The following SMYD3 variants were observed in gnomAD, a reference collection of about 807,000 sequenced individuals.
The protein encoded by SMYD3 is histone-lysine N-methyltransferase SMYD3.
A neutral mutation model predicts 57.7 loss-of-function variants in SMYD3; 36 were observed. That is an observed-to-expected ratio of 0.62 (90% CI 0.48 to 0.82). The LOEUF (loss-of-function observed/expected upper bound fraction) is 0.82, where lower values mean the gene tolerates loss of function less well. SMYD3 is among the 40% of genes least tolerant of loss of function. SMYD3 has a pLI of 0.00. For synonymous variants in SMYD3, 211 were observed against 195.0 expected (o/e 1.08, Z -0.68); for missense variants, 515 against 538.8 (o/e 0.96, Z 0.44).
chr1:246,451,537 C>A (rs1156273443), intron 1 of SMYD3, among the ~76,000 whole-genome samples: 4 of 152,162 alleles, frequency 2.6e-5, no homozygotes, highest in Non-Finnish European at 4.4e-5. Flanking sequence ...GGAAATTACT[C>A]TATGATATGA....
chr1:246,486,024 C>T (rs1019516754), intron 1 of SMYD3, among the ~76,000 whole-genome samples: 1 of 152,216 alleles, frequency 6.6e-6, no homozygotes. Flanking sequence ...TGACCATCAT[C>T]CTCCTCTATA....
intron 1 of SMYD3, among the ~76,000 whole-genome samples, chr1:246,495,121 G>T (rs58344515): frequency 6.6e-6 from 1 of 151,712 alleles, no homozygotes; most frequent in African/African-American, 2.4e-5. Context: ...AGGCCAAGGC[G>T]GGTGGATCAC....
chr1:246,166,589 G>A (rs1369532027), intron 5 of SMYD3, among the ~76,000 whole-genome samples: 4 of 152,048 alleles, frequency 2.6e-5, no homozygotes, highest in African/African-American at 9.7e-5. Context: ...CTGGAGTCTC[G>A]GCTGGAGTCT....
chr1:245,832,012 G>A (rs2049863346), intron 10 of SMYD3, among the ~76,000 whole-genome samples: 1 of 152,138 alleles, frequency 6.6e-6, no homozygotes, highest in South Asian at 2.1e-4. Context: ...AGGAGGGAGG[G>A]GAGGCCTTTG....
At chr1:246,243,590 A>C (rs1390903521) in intron 5 of SMYD3, among the ~76,000 whole-genome samples, 2 of 151,894 alleles carry the variant, frequency 1.3e-5, no homozygotes, top group African/African-American at 4.8e-5. Context: ...ATTATCCATT[A>C]ATCAGTTATA....
chr1:246,411,941 G>A (rs1310412223), intron 1 of SMYD3, among the ~76,000 whole-genome samples: 57 of 146,736 alleles, frequency 3.9e-4, no homozygotes, highest in African/African-American at 1.3e-3. Flanking sequence ...AAACCTGCAC[G>A]TTGTGCACAC....
chr1:246,330,335 T>C (rs968585536), intron 4 of SMYD3, 145 bp downstream of exon 4: 5 of 570,870 alleles, frequency 8.8e-6, no homozygotes, highest in East Asian at 6.4e-5. Context: ...TAAACCAGTG[T>C]GACAGTTGTA....
intron 5 of SMYD3, chr1:246,326,539 C>G (rs530615094): frequency 6.1e-6 from 3 of 491,146 alleles, no homozygotes; most frequent in African/African-American, 4.0e-5. Flanking sequence ...TTTGGGAGGC[C>G]GAGGCGGGTG....
At chr1:246,193,650 A>T (rs1277508258) in intron 5 of SMYD3, 1 of 152,288 alleles carries the variant, frequency 6.6e-6, no homozygotes, top group Non-Finnish European at 1.5e-5. Context: ...AATCAGCAGA[A>T]AGGATGGAGA....
At chr1:245,896,066 C>A (rs1219336525) in intron 8 of SMYD3, among the ~76,000 whole-genome samples, 2 of 152,180 alleles carry the variant, frequency 1.3e-5, no homozygotes, top group Admixed American at 1.3e-4. Context: ...AGAATGGATA[C>A]ATTTTCACAA....
Position 245,983,160 on chromosome 1 carries a change from C to T in SMYD3, c.532-53223G>A, listed in dbSNP as rs1171856354. On this transcript the variant is annotated intron_variant, in intron 5 of 11. Coordinates refer to ENST00000490107, the MANE Select transcript of SMYD3 (RefSeq NM_001167740.2). ...GAGACAAGATGCCTCATCTCCCTGGCCTTATTTTGTGGCAGCTTTCGGGAC... is the reference window on the plus strand; with the variant it reads ...GAGACAAGATGCCTCATCTCCCTGGTCTTATTTTGTGGCAGCTTTCGGGAC... Among the ~76,000 whole-genome samples the T allele has an allele frequency of 2.0e-5, 3 of 152,188 alleles. No homozygotes were observed. In the East Asian group the frequency reaches 5.8e-4, roughly 29 times the overall value.
chr1:246,016,918 G>A (rs1006931837), intron 5 of SMYD3, among the ~76,000 whole-genome samples: 2 of 152,120 alleles, frequency 1.3e-5, no homozygotes, highest in Admixed American at 1.3e-4. Context: ...GATGGGAGAA[G>A]GGGCTTCCAA....
intron 5 of SMYD3, among the ~76,000 whole-genome samples, chr1:246,068,876 C>T (rs1442437381): frequency 1.3e-5 from 2 of 152,162 alleles, no homozygotes; most frequent in East Asian, 3.8e-4. Flanking sequence ...CCAACTTATG[C>T]CTTACCTTAC....
At chr1:246,297,358 T>C (rs1019569827) in intron 5 of SMYD3, among the ~76,000 whole-genome samples, 1 of 152,140 alleles carries the variant, frequency 6.6e-6, no homozygotes, top group Non-Finnish European at 1.5e-5. Flanking sequence ...AACAAAATAC[T>C]GTATTCAACA....
At chr1:246,074,465 T>C (rs1180867887) in intron 5 of SMYD3, among the ~76,000 whole-genome samples, 1 of 151,104 alleles carries the variant, frequency 6.6e-6, no homozygotes, top group Non-Finnish European at 1.5e-5. Flanking sequence ...ACATACCAAA[T>C]ATAACAACTA....
At chr1:246,012,919 C>T (rs555160539) in intron 5 of SMYD3, among the ~76,000 whole-genome samples, 2 of 152,204 alleles carry the variant, frequency 1.3e-5, no homozygotes, top group Non-Finnish European at 2.9e-5. Context: ...AAGCACTCTA[C>T]TGTACTGACA....
chr1:246,458,318 A>G (rs1321105331), intron 1 of SMYD3, among the ~76,000 whole-genome samples: 1 of 152,270 alleles, frequency 6.6e-6, no homozygotes, highest in South Asian at 2.1e-4. Flanking sequence ...GAAACAAGAC[A>G]AGCAGAGTTG....
chr1:246,268,013 T>A (rs116137347), intron 5 of SMYD3, among the ~76,000 whole-genome samples: 1,980 of 152,266 alleles, frequency 0.013, 54 homozygotes, highest in African/African-American at 0.045. Context: ...TAATTCACAC[T>A]GATTCCAAGG....
intron 10 of SMYD3, among the ~76,000 whole-genome samples, chr1:245,794,662 A>C (rs941408069): frequency 2.0e-5 from 3 of 152,230 alleles, no homozygotes; most frequent in African/African-American, 7.2e-5. Flanking sequence ...GATAGTCTCA[A>C]AATATCCCTC....
Sources: gnomAD v4.1 joint callset for allele counts (sites outside exome capture counted in the v4.1 genomes callset) on GRCh38, gnomAD v4.1.1 for gene constraint, MANE v1.5 for transcripts, NCBI Gene and HGNC (gene_info 2026-07-23, HGNC 2026-07-21) for gene names.